Variants in PIK3C2A observed in about 807,000 individuals in gnomAD.
PIK3C2A encodes phosphatidylinositol-4-phosphate 3-kinase catalytic subunit type 2 alpha.
In PIK3C2A, 97 loss-of-function variants were observed where a neutral mutation model predicts 204.5. The observed-to-expected ratio is 0.47, with a 90% confidence interval of 0.40 to 0.56. The LOEUF (loss-of-function observed/expected upper bound fraction) is 0.56. PIK3C2A is among the 20% of genes least tolerant of loss of function. The pLI is 0.00. For missense variants in PIK3C2A, 1,735 were observed against 1,969.2 expected (o/e 0.88, Z 2.25); for synonymous variants, 653 against 664.4 (o/e 0.98, Z 0.26).
At chr11:17,117,707 GGTTTTTTTTT>G in intron 18 of PIK3C2A, 36 bp from the exon 19 acceptor site, 3 of 532,488 alleles carry the variant, frequency 5.6e-6, no homozygotes, top group Non-Finnish European at 8.6e-6. Flanking sequence ...GTCACGTCTT[GGTTTTTTTTT>G]TTTTTTTTTT....
chr11:17,118,609 A>G (rs764141381), intron 18 of PIK3C2A, 36 bp downstream of exon 18: 1 of 925,298 alleles, frequency 1.1e-6, no homozygotes, highest in Admixed American at 2.0e-5. Context: ...AATTCTAGGA[A>G]TGGAAATACG....
At position 17,089,058 on chromosome 11, in the gene PIK3C2A, A is replaced by T. The variant is rs1358760429; in HGVS notation, c.*680T>A. On this transcript the variant is annotated 3_prime_UTR_variant, in exon 33 of 33. Transcript: ENST00000691414. ...GCAAGTGAGTGAAAACTATGTACTA[A>T]TTATTTATCAAATCAGGAAAAAAAT... is the stretch of plus-strand genomic sequence containing the variant. 1 of 152,238 alleles carries T rather than the reference A, an allele frequency of 6.6e-6. No homozygotes were observed. Among genetic ancestry groups the T allele is most frequent in the Non-Finnish European group, 1.5e-5 (1 of 68,042 alleles). The allele number at this position is 152,238 out of a possible 1,614,324, so 9.4% of individuals were successfully genotyped here. A position where few individuals can be genotyped will look rare whatever the true frequency, so the allele number is the denominator to read the frequency against.
intron 1 of PIK3C2A, among the ~76,000 whole-genome samples, chr11:17,178,215 TA>T (rs1187020130): frequency 6.6e-6 from 1 of 151,932 alleles, no homozygotes; most frequent in Non-Finnish European, 1.5e-5. Context: ...TTTTAACAGG[TA>T]ATATAAAAAT....
intron 8 of PIK3C2A, among the ~76,000 whole-genome samples, chr11:17,140,244 C>T (rs1394145168): frequency 6.6e-6 from 1 of 151,728 alleles, no homozygotes; most frequent in Non-Finnish European, 1.5e-5. Context: ...GTGAGACCTC[C>T]ATTTCTTTAA....
chr11:17,169,507 G>C lies in PIK3C2A; in HGVS notation c.235C>G (p.Pro79Ala), dbSNP rs1451482165. ...NKQDYDLMVF[P>A]ESDSQKRALD... ...GCTCTTTTTTGGGAATCTGATTCAGGAAACACCATGAGATCATAATCCTGC... is the reference window on the plus strand; with the variant it reads ...GCTCTTTTTTGGGAATCTGATTCAGCAAACACCATGAGATCATAATCCTGC... The change falls in exon 2 of 33, where the codon CCT (proline) becomes GCT (alanine). Residue 79 changes from proline (P) to alanine (A), a missense_variant. Coordinates refer to ENST00000691414, the MANE Select transcript of PIK3C2A (RefSeq NM_002645.4). 1 of 1,613,758 alleles carries C rather than the reference G, an allele frequency of 6.2e-7. No homozygotes were observed. Among genetic ancestry groups the C allele is most frequent in the African/African-American group, 1.3e-5 (1 of 74,872 alleles).
Position 17,118,752 on chromosome 11 carries a change from A to C in PIK3C2A, c.2941-13T>G. On this transcript the variant is annotated splice_polypyrimidine_tract_variant and intron_variant, in intron 17 of 32. Transcript: ENST00000691414. ...CATATTTCAAAGCCTACAGTAAAAG[A>C]AAATAAGAATTATTAGTGGTCTAAC... 1.5e-6 allele frequency: 2 copies of C among 1,301,384 alleles called. No homozygotes were observed. The highest frequency in any genetic ancestry group is 2.2e-6 in the Non-Finnish European group (2 of 903,620). The allele number at this position is 1,301,384 out of a possible 1,614,324, so 80.6% of individuals were successfully genotyped here. A position where few individuals can be genotyped will look rare whatever the true frequency, so the allele number is the denominator to read the frequency against.
intron 5 of PIK3C2A, among the ~76,000 whole-genome samples, chr11:17,147,834 G>A (rs1295088336): frequency 6.6e-6 from 1 of 152,136 alleles, no homozygotes; most frequent in African/African-American, 2.4e-5. Flanking sequence ...AGACAAAGAT[G>A]AAGAAGGAAA....
At chr11:17,134,155 G>A (rs1849793456) in intron 11 of PIK3C2A, among the ~76,000 whole-genome samples, 1 of 152,050 alleles carries the variant, frequency 6.6e-6, no homozygotes, top group Admixed American at 6.6e-5. Flanking sequence ...CAAGATAACT[G>A]GTTGCTGACA....
chr11:17,189,610 C>A (rs1317166684), intron 1 of PIK3C2A, among the ~76,000 whole-genome samples: 1 of 129,028 alleles, frequency 7.8e-6, no homozygotes, highest in African/African-American at 4.4e-5. Flanking sequence ...TATTCACAGG[C>A]GTGTGACCAT....
chr11:17,093,650 G>A (rs1025547464), intron 28 of PIK3C2A, among the ~76,000 whole-genome samples: 1 of 150,336 alleles, frequency 6.7e-6, no homozygotes, highest in East Asian at 2.0e-4. Flanking sequence ...TTTTTTTTGG[G>A]GGGGGGGGAC....
chr11:17,196,501 A>G (rs1852161365), intron 1 of PIK3C2A, among the ~76,000 whole-genome samples: 1 of 152,238 alleles, frequency 6.6e-6, no homozygotes, highest in African/African-American at 2.4e-5. Context: ...TGGTACATAC[A>G]GACAGTAAAT....
In PIK3C2A at chr11:17,168,799, C is replaced by T. The variant is rs746630341; in HGVS notation, c.943G>A (p.Ala315Thr). Residue 315 changes from alanine (A) to threonine (T), a missense_variant, in exon 2 of 33, where the codon GCA (alanine) becomes ACA (threonine). Physicochemically the swap from Ala to Thr is moderately conservative, Grantham distance 58. Transcript: ENST00000691414. Reference protein sequence around the residue: ...DAVLLEERSTANCHLERKVNG... With the variant: ...DAVLLEERSTTNCHLERKVNG... ...ACCTTTCTTTCAAGATGACAATTTG[C>T]TGTCGATCTCTCTTCAAGAAGAACA... 1.6e-5 allele frequency: 26 copies of T among 1,613,968 alleles called. No homozygotes were observed. In the South Asian group the frequency reaches 2.9e-4, roughly 18 times the overall value.
chr11:17,160,538 A>G (rs1242879406), intron 2 of PIK3C2A, among the ~76,000 whole-genome samples: 1 of 152,202 alleles, frequency 6.6e-6, no homozygotes, highest in Non-Finnish European at 1.5e-5. Flanking sequence ...TTAAAGAGTA[A>G]TAACTTTAAG....
intron 18 of PIK3C2A, among the ~76,000 whole-genome samples, chr11:17,117,951 G>A (rs964499575): frequency 2.6e-5 from 4 of 151,932 alleles, no homozygotes; most frequent in African/African-American, 7.3e-5. Flanking sequence ...CTGACCTTGT[G>A]ATCCGCCCAC....
Position 17,131,942 on chromosome 11 carries a change from G to A in PIK3C2A, c.2205C>T (p.Phe735=). The change falls in exon 12 of 33, where the codon TTC becomes TTT. Residue 735 remains phenylalanine, a synonymous_variant. Transcript: ENST00000691414. ...QSKKVGTYKN[F]FYLIKWDELI... ...GTTCATCCCATTTAATAAGATAGAA[G>A]AAATTCTTGTAAGTGCCAACCTTCT... is the stretch of plus-strand genomic sequence containing the variant. 1 of 1,601,532 alleles carries A rather than the reference G, an allele frequency of 6.2e-7. No homozygotes were observed. Among genetic ancestry groups the A allele is most frequent in the Non-Finnish European group, 8.5e-7 (1 of 1,173,818 alleles).
At position 17,150,409 on chromosome 11, in the gene PIK3C2A, T is replaced by C. The variant is rs74418868; in HGVS notation, c.1327+89A>G. 739 of 1,156,238 alleles carry C rather than the reference T, an allele frequency of 6.4e-4. 15 individuals carry two copies. The East Asian group carries it at 0.019, about 30-fold the overall frequency. 71.6% of individuals were successfully genotyped at this position (1,156,238 alleles called of 1,614,324 possible). On this transcript the variant is annotated intron_variant, in intron 4 of 32. Coordinates refer to ENST00000691414, the MANE Select transcript of PIK3C2A (RefSeq NM_002645.4). ...AATGCCAAAAAGACACATAACAAAA[T>C]TGGTTTATTAAAAGAATGATAATAT... is the stretch of plus-strand genomic sequence containing the variant.
At chr11:17,195,842 A>T (rs905809783) in intron 1 of PIK3C2A, among the ~76,000 whole-genome samples, 1 of 151,994 alleles carries the variant, frequency 6.6e-6, no homozygotes, top group Non-Finnish European at 1.5e-5. Context: ...GTTTGAGACC[A>T]TCCTGGCTAA....
At chr11:17,191,970 T>TA (rs1194219889) in intron 1 of PIK3C2A, among the ~76,000 whole-genome samples, 2,242 of 117,744 alleles carry the variant, frequency 0.019, 43 homozygotes, top group African/African-American at 0.053. Flanking sequence ...CTGCTTCTAC[T>TA]AAAAAAAAAA....
chr11:17,132,133 A>G (rs1328176678), intron 11 of PIK3C2A, 95 bp from the exon 12 acceptor site: 3 of 706,830 alleles, frequency 4.2e-6, no homozygotes, highest in Non-Finnish European at 7.0e-6. Context: ...AAAGAGACTA[A>G]TATCTGAAAT....
Sources: gnomAD v4.1 joint callset for allele counts (sites outside exome capture counted in the v4.1 genomes callset) on GRCh38, gnomAD v4.1.1 for gene constraint, MANE v1.5 for transcripts, NCBI Gene and HGNC (gene_info 2026-07-23, HGNC 2026-07-21) for gene names.